Variants in PDZRN4 observed in about 807,000 individuals in gnomAD.
PDZRN4 encodes the protein PDZ domain containing ring finger 4.
A neutral mutation model predicts 99.0 loss-of-function variants in PDZRN4; 70 were observed. That is an observed-to-expected ratio of 0.71 (90% CI 0.58 to 0.86). The LOEUF (loss-of-function observed/expected upper bound fraction) is 0.86. Ranked by LOEUF, PDZRN4 falls within the 40% of genes least tolerant of loss-of-function variation. The probability of loss-of-function intolerance (pLI) is 0.00; values close to 1 mark genes in which losing one functional copy is unlikely to be tolerated. For synonymous variants in PDZRN4, 551 were observed against 501.6 expected (o/e 1.10, Z -1.32); for missense variants, 1,474 against 1,331.2 (o/e 1.11, Z -1.67).
At chr12:41,219,599 G>C (rs1039792137) in intron 3 of PDZRN4, among the ~76,000 whole-genome samples, 1 of 151,968 alleles carries the variant, frequency 6.6e-6, no homozygotes, top group Non-Finnish European at 1.5e-5. Context: ...AATATGTGAG[G>C]TGAGGTATTA....
chr12:41,433,238 AATC>A (rs1435693863), intron 3 of PDZRN4, among the ~76,000 whole-genome samples: 1 of 152,064 alleles, frequency 6.6e-6, no homozygotes, highest in Non-Finnish European at 1.5e-5. Flanking sequence ...CCATTTCCTC[AATC>A]ATCAAATAAA....
At chr12:41,434,621 C>CTT (rs1952613437) in intron 3 of PDZRN4, among the ~76,000 whole-genome samples, 1 of 152,142 alleles carries the variant, frequency 6.6e-6, no homozygotes, top group African/African-American at 2.4e-5. Context: ...GCCTCTTATA[C>CTT]GTCAGTCTAG....
chr12:41,381,639 T>G lies in PDZRN4; in HGVS notation c.844-124817T>G, dbSNP rs532216095. ...TTGCAGTTTTGTTCATTTATTGTTT[T>G]TCTAATTTTGCTTAATTTCCATGTT... On this transcript the variant is annotated intron_variant, in intron 3 of 9. Transcript: ENST00000402685. 3.1e-4 allele frequency among the ~76,000 whole-genome samples: 47 copies of G among 152,296 alleles called. No homozygotes were observed. The South Asian group carries it at 8.3e-3, about 27-fold the overall frequency.
chr12:41,260,091 T>C (rs1463608100), intron 3 of PDZRN4, among the ~76,000 whole-genome samples: 4 of 152,208 alleles, frequency 2.6e-5, no homozygotes, highest in Admixed American at 2.6e-4. Flanking sequence ...ATGCATTTTC[T>C]ATCAAAAATA....
At chr12:41,491,189 G>C (rs1937879220) in intron 3 of PDZRN4, among the ~76,000 whole-genome samples, 1 of 152,236 alleles carries the variant, frequency 6.6e-6, no homozygotes, top group African/African-American at 2.4e-5. Flanking sequence ...AGTCCAATTA[G>C]TAAGTGAACA....
At chr12:41,551,757 A>G (rs972539370) in intron 5 of PDZRN4, among the ~76,000 whole-genome samples, 1 of 152,198 alleles carries the variant, frequency 6.6e-6, no homozygotes, top group Non-Finnish European at 1.5e-5. Context: ...TTCTACATCC[A>G]ATAGGAATAA....
chr12:41,353,702 G>C (rs1186293199), intron 3 of PDZRN4, among the ~76,000 whole-genome samples: 1 of 152,006 alleles, frequency 6.6e-6, no homozygotes, highest in Non-Finnish European at 1.5e-5. Context: ...GGGGCTGCCT[G>C]GCCTCTCTTG....
chr12:41,527,079 C>T (rs1938580761), intron 5 of PDZRN4, among the ~76,000 whole-genome samples: 1 of 152,132 alleles, frequency 6.6e-6, no homozygotes, highest in Admixed American at 6.6e-5. Context: ...GAGACATTCA[C>T]AATAATAAAA....
intron 3 of PDZRN4, among the ~76,000 whole-genome samples, chr12:41,459,300 C>A (rs1430613037): frequency 1.2e-4 from 18 of 152,140 alleles, no homozygotes; most frequent in Admixed American, 1.1e-3. Flanking sequence ...AGTTTTCAGA[C>A]CTGGTATATG....
Position 41,431,630 on chromosome 12 carries a change from GTCT to G in PDZRN4, c.844-74818_844-74816del, listed in dbSNP as rs149112687. ...TGACAAGGCTCAGATGAGAAGCCTA[GTCT>G]TCTTCTTTGAAATGTTATGCTCTTT... is the stretch of plus-strand genomic sequence containing the variant. On this transcript the variant is annotated intron_variant, in intron 3 of 9. Transcript: ENST00000402685. Among the ~76,000 whole-genome samples, 599 of 152,336 alleles carry G rather than the reference GTCT, an allele frequency of 3.9e-3. 2 individuals carry two copies. Among genetic ancestry groups the G allele is most frequent in the African/African-American group, 0.014 (578 of 41,584 alleles).
chr12:41,397,578 C>CA (rs142572790), intron 3 of PDZRN4, among the ~76,000 whole-genome samples: 2,112 of 151,812 alleles, frequency 0.014, 53 homozygotes, highest in African/African-American at 0.047. Flanking sequence ...GCAAGCTGGG[C>CA]AAAAAAATGC....
At chr12:41,206,257 C>G (rs1274524127) in intron 3 of PDZRN4, among the ~76,000 whole-genome samples, 1 of 151,914 alleles carries the variant, frequency 6.6e-6, no homozygotes, top group Non-Finnish European at 1.5e-5. Flanking sequence ...GTCATTACTT[C>G]CAAACAGATT....
At chr12:41,360,911 C>T (rs1282971250) in intron 3 of PDZRN4, among the ~76,000 whole-genome samples, 1 of 151,230 alleles carries the variant, frequency 6.6e-6, no homozygotes, top group African/African-American at 2.4e-5. Flanking sequence ...TCCCAAAAAA[C>T]CTATTTATCA....
chr12:41,249,166 TAA>T (rs1400396545), intron 3 of PDZRN4, among the ~76,000 whole-genome samples: 1 of 152,170 alleles, frequency 6.6e-6, no homozygotes, highest in African/African-American at 2.4e-5. Context: ...TTCAAAAAGA[TAA>T]TTATAAGACT....
intron 3 of PDZRN4, among the ~76,000 whole-genome samples, chr12:41,203,405 A>C (rs1950829585): frequency 6.6e-6 from 1 of 152,044 alleles, no homozygotes; most frequent in Admixed American, 6.6e-5. Flanking sequence ...GAGAGAGGAT[A>C]GAACAAGAGT....
At chr12:41,414,546 T>TG (rs138835676) in intron 3 of PDZRN4, among the ~76,000 whole-genome samples, 48 of 151,972 alleles carry the variant, frequency 3.2e-4, no homozygotes, top group African/African-American at 1.2e-3. Context: ...TATTTTTGTC[T>TG]GAAAAAAATA....
chr12:41,383,444 A>C (rs73126876), intron 3 of PDZRN4, among the ~76,000 whole-genome samples: 3,939 of 152,344 alleles, frequency 0.026, 69 homozygotes, highest in Non-Finnish European at 0.041. Context: ...AACTTAAATA[A>C]AAATGTATGT....
At chr12:41,369,534 C>T (rs961970990) in intron 3 of PDZRN4, among the ~76,000 whole-genome samples, 2 of 151,772 alleles carry the variant, frequency 1.3e-5, no homozygotes, top group African/African-American at 4.8e-5. Context: ...TTTGTCATTT[C>T]CTTTTCTGTC....
intron 3 of PDZRN4, among the ~76,000 whole-genome samples, chr12:41,483,146 C>G (rs564163666): frequency 6.6e-6 from 1 of 151,928 alleles, no homozygotes; most frequent in African/African-American, 2.4e-5. Context: ...TATTCTTACC[C>G]TTTTATATTT....
Sources: allele counts gnomAD v4.1 joint callset (sites outside exome capture counted in the v4.1 genomes callset), GRCh38; gene constraint gnomAD v4.1.1; transcripts MANE v1.5; gene names NCBI Gene and HGNC (gene_info 2026-07-23, HGNC 2026-07-21).